The following SPMIP2 variants were observed in gnomAD, a reference collection of about 807,000 sequenced individuals.
SPMIP2 encodes the protein sperm microtubule inner protein 2.
chr4:158,991,497 G>T, the SPMIP2 span, among the ~76,000 whole-genome samples: 1 of 152,144 alleles, frequency 6.6e-6, no homozygotes, highest in Non-Finnish European at 1.5e-5. Flanking sequence ...ACGAATCTCA[G>T]CTTTCCAAGG....
chr4:158,992,677 G>A, the SPMIP2 span, among the ~76,000 whole-genome samples: 4 of 152,330 alleles, frequency 2.6e-5, 1 homozygote, highest in East Asian at 7.7e-4. Flanking sequence ...CTGGCAGGTT[G>A]TGTGATGAAG....
the SPMIP2 span, among the ~76,000 whole-genome samples, chr4:158,986,371 C>T: frequency 6.6e-6 from 1 of 152,294 alleles, no homozygotes; most frequent in African/African-American, 2.4e-5. Flanking sequence ...ATCACGCTAC[C>T]TGACTTCAAA....
At chr4:158,951,812 T>C in the SPMIP2 span, among the ~76,000 whole-genome samples, 1 of 152,224 alleles carries the variant, frequency 6.6e-6, no homozygotes, top group East Asian at 1.9e-4. Context: ...AGCTGAAATA[T>C]GTCAGGGATG....
At chr4:159,080,793 G>A in the SPMIP2 span, among the ~76,000 whole-genome samples, 4 of 152,004 alleles carry the variant, frequency 2.6e-5, no homozygotes, top group African/African-American at 9.7e-5. Flanking sequence ...GCACGATCTC[G>A]GCTCACTGCA....
chr4:158,904,578 A>AAAAATC, the SPMIP2 span: 8 of 1,563,020 alleles, frequency 5.1e-6, no homozygotes, highest in Non-Finnish European at 7.0e-6. Context: ...CTTGGAAGAA[A>AAAAATC]AAAATCAAAT....
the SPMIP2 span, among the ~76,000 whole-genome samples, chr4:159,008,437 C>G: frequency 5.3e-5 from 8 of 152,136 alleles, no homozygotes; most frequent in Admixed American, 4.6e-4. Flanking sequence ...GGTGTGGTGG[C>G]ACACGCCTAT....
chr4:158,948,178 T>G, the SPMIP2 span, among the ~76,000 whole-genome samples: 2 of 152,176 alleles, frequency 1.3e-5, no homozygotes, highest in Admixed American at 6.5e-5. Flanking sequence ...CCTTTAACAC[T>G]GTCTTAGGAA....
At chr4:159,033,089 T>A in the SPMIP2 span, among the ~76,000 whole-genome samples, 55 of 152,170 alleles carry the variant, frequency 3.6e-4, no homozygotes, top group Middle Eastern at 3.4e-3. Context: ...TTGTGACACA[T>A]CCACACAGTG....
At chr4:158,918,549 T>C in the SPMIP2 span, among the ~76,000 whole-genome samples, 1 of 152,232 alleles carries the variant, frequency 6.6e-6, no homozygotes, top group Non-Finnish European at 1.5e-5. Context: ...TAGAAGAGTT[T>C]AGAAAAGAAA....
the SPMIP2 span, among the ~76,000 whole-genome samples, chr4:158,902,424 C>T: frequency 6.6e-6 from 1 of 152,208 alleles, no homozygotes; most frequent in Non-Finnish European, 1.5e-5. Flanking sequence ...TCTGTCGGCC[C>T]CTACTGGGAG....
chr4:158,894,699 C>T, the SPMIP2 span, among the ~76,000 whole-genome samples: 1 of 152,042 alleles, frequency 6.6e-6, no homozygotes, highest in South Asian at 2.1e-4. Context: ...TAATAAAGAT[C>T]CTTTTACCAC....
the SPMIP2 span, among the ~76,000 whole-genome samples, chr4:158,896,598 G>A: frequency 6.6e-6 from 1 of 152,150 alleles, no homozygotes; most frequent in African/African-American, 2.4e-5. Context: ...CCTCCTAAGA[G>A]ACTGGGGCCT....
chr4:159,037,979 C>G, the SPMIP2 span, among the ~76,000 whole-genome samples: 1 of 151,868 alleles, frequency 6.6e-6, no homozygotes, highest in African/African-American at 2.4e-5. Context: ...CTCTCTCTCT[C>G]TTTCTCTCTC....
At chr4:158,901,253 G>A in the SPMIP2 span, among the ~76,000 whole-genome samples, 12 of 150,894 alleles carry the variant, frequency 8.0e-5, no homozygotes, top group East Asian at 5.9e-4. Context: ...CTGCCTCAGC[G>A]TCCAGAGTAG....
chr4:158,956,478 G>A, the SPMIP2 span, among the ~76,000 whole-genome samples: 3 of 152,196 alleles, frequency 2.0e-5, no homozygotes, highest in African/African-American at 7.2e-5. Context: ...CAGGAGAATG[G>A]CTTGAATCTG....
At chr4:158,937,669 G>C in the SPMIP2 span, 3 of 154,172 alleles carry the variant, frequency 1.9e-5, no homozygotes, top group Non-Finnish European at 4.4e-5. Flanking sequence ...ACATTGTCTT[G>C]GGCAGAGTTT....
chr4:159,049,265 T>G, the SPMIP2 span, among the ~76,000 whole-genome samples: 2 of 152,224 alleles, frequency 1.3e-5, no homozygotes, highest in Non-Finnish European at 2.9e-5. Context: ...TCTCGTATTT[T>G]TCTGTTCTTT....
the SPMIP2 span, among the ~76,000 whole-genome samples, chr4:158,915,775 CT>C: frequency 1.1e-4 from 16 of 152,192 alleles, no homozygotes; most frequent in African/African-American, 3.6e-4. Flanking sequence ...ATTCCAAGCT[CT>C]GGCTTTGGAC....
chr4:159,053,043 G>T, the SPMIP2 span, among the ~76,000 whole-genome samples: 1 of 139,502 alleles, frequency 7.2e-6, no homozygotes, highest in Non-Finnish European at 1.5e-5. Flanking sequence ...TGCAAGCTCC[G>T]CCTCCCGGGT....
Sources: allele counts gnomAD v4.1 joint callset (sites outside exome capture counted in the v4.1 genomes callset), GRCh38; gene constraint gnomAD v4.1.1; transcripts MANE v1.5; gene names NCBI Gene and HGNC (gene_info 2026-07-23, HGNC 2026-07-21).